The following SLCO4C1 variants were observed in gnomAD, a reference collection of about 807,000 sequenced individuals.
The protein encoded by SLCO4C1 is organic anion transporter M1.
In SLCO4C1, 58 loss-of-function variants were observed where a neutral mutation model predicts 72.1. That is an observed-to-expected ratio of 0.80 (90% CI 0.65 to 1.00). The LOEUF is 1.00. Ranked by LOEUF, SLCO4C1 falls within the 50% of genes least tolerant of loss-of-function variation. SLCO4C1 has a pLI of 0.00. For synonymous variants in SLCO4C1, 297 were observed against 312.5 expected (o/e 0.95, Z 0.52); for missense variants, 898 against 857.9 (o/e 1.05, Z -0.58).
chr5:102,274,700 C>T (rs1292912988), intron 2 of SLCO4C1, among the ~76,000 whole-genome samples: 1 of 152,106 alleles, frequency 6.6e-6, no homozygotes, highest in Non-Finnish European at 1.5e-5. Context: ...CCCAGTCTCC[C>T]CAGTTACCTG....
intron 2 of SLCO4C1, among the ~76,000 whole-genome samples, chr5:102,277,203 G>A (rs1327269654): frequency 6.6e-6 from 1 of 152,052 alleles, no homozygotes; most frequent in Non-Finnish European, 1.5e-5. Flanking sequence ...TGCTACTCTA[G>A]TCAAATACCA....
In SLCO4C1 at chr5:102,249,641, T is replaced by C; in HGVS notation, c.1617A>G (p.Pro539=). Residue 539 remains proline (P), a synonymous_variant, in exon 9 of 13, where the codon CCA becomes CCG. Transcript: ENST00000310954. ...AAAAGTAGGAGACATAAGCTACCTT[T>C]GGCTTCCTGTGTGCAACTGGGTTTG... ...GCSNPVAHRK[P]KVYYNCSCIE... 6.2e-7 allele frequency: 1 copy of C among 1,613,572 alleles called. No individual in the cohort carries two copies. The highest frequency in any genetic ancestry group is 2.2e-5 in the East Asian group (1 of 44,792).
intron 10 of SLCO4C1, among the ~76,000 whole-genome samples, chr5:102,244,110 T>C (rs776649567): frequency 2.0e-5 from 3 of 151,942 alleles, no homozygotes; most frequent in Non-Finnish European, 4.4e-5. Context: ...TCACTTGAAC[T>C]TGGGAGGCAG....
intron 3 of SLCO4C1, among the ~76,000 whole-genome samples, chr5:102,269,952 C>T (rs1224245725): frequency 1.3e-5 from 2 of 151,950 alleles, no homozygotes; most frequent in Non-Finnish European, 2.9e-5. Flanking sequence ...CATTTGAATA[C>T]TCTGGCTGTA....
chr5:102,273,530 G>A (rs1749191176), intron 2 of SLCO4C1, among the ~76,000 whole-genome samples: 1 of 152,116 alleles, frequency 6.6e-6, no homozygotes, highest in African/African-American at 2.4e-5. Context: ...TAATCCCATA[G>A]AGGCAGTAAA....
chr5:102,246,334 G>A (rs750530376), intron 10 of SLCO4C1, among the ~76,000 whole-genome samples: 11 of 152,116 alleles, frequency 7.2e-5, no homozygotes, highest in Admixed American at 1.3e-4. Flanking sequence ...AAGTGATACT[G>A]TAGAAATTCA....
intron 2 of SLCO4C1, among the ~76,000 whole-genome samples, chr5:102,290,826 T>G (rs1749536567): frequency 6.6e-6 from 1 of 152,208 alleles, no homozygotes; most frequent in Non-Finnish European, 1.5e-5. Flanking sequence ...CTTTGAATAA[T>G]ATATTTCTCC....
At chr5:102,238,313 T>A (rs919694343) in intron 12 of SLCO4C1, among the ~76,000 whole-genome samples, 128 of 152,284 alleles carry the variant, frequency 8.4e-4, no homozygotes, top group Middle Eastern at 6.9e-3. Context: ...TATGTAGCCA[T>A]GATTGTGGTA....
chr5:102,269,736 C>A (rs182382213), intron 3 of SLCO4C1, among the ~76,000 whole-genome samples: 3 of 152,084 alleles, frequency 2.0e-5, no homozygotes, highest in African/African-American at 7.2e-5. Context: ...GTATGTCTTT[C>A]AAAGTGCCAT....
chr5:102,259,022 C>T (rs1018051154), intron 6 of SLCO4C1, among the ~76,000 whole-genome samples: 1 of 151,840 alleles, frequency 6.6e-6, no homozygotes, highest in African/African-American at 2.4e-5. Context: ...AAAAAACTTA[C>T]CAACATAAAG....
intron 2 of SLCO4C1, among the ~76,000 whole-genome samples, chr5:102,281,480 GA>G (rs1421896576): frequency 2.0e-5 from 3 of 152,038 alleles, no homozygotes; most frequent in African/African-American, 4.8e-5. Context: ...CTCTCTGAAA[GA>G]CCCTGTTAAG....
chr5:102,270,418 A>G (rs1749128417), intron 3 of SLCO4C1, among the ~76,000 whole-genome samples: 1 of 152,180 alleles, frequency 6.6e-6, no homozygotes, highest in African/African-American at 2.4e-5. Context: ...CAAGAAATAC[A>G]GCAGAGGATC....
intron 5 of SLCO4C1, 85 bp downstream of exon 5, chr5:102,261,827 C>T: frequency 7.3e-7 from 1 of 1,366,364 alleles, no homozygotes; most frequent in Non-Finnish European, 9.8e-7. Flanking sequence ...CAGGGTGAAT[C>T]TATAGTTCTT....
intron 3 of SLCO4C1, among the ~76,000 whole-genome samples, chr5:102,269,475 C>T (rs890701803): frequency 5.9e-5 from 9 of 151,810 alleles, no homozygotes; most frequent in African/African-American, 1.2e-4. Context: ...TGTAATTTTT[C>T]ATTCAACTAC....
At chr5:102,242,106 G>T (rs1748553613) in intron 10 of SLCO4C1, among the ~76,000 whole-genome samples, 1 of 152,160 alleles carries the variant, frequency 6.6e-6, no homozygotes, top group South Asian at 2.1e-4. Context: ...AGGAAAACCA[G>T]ACCAACTTAC....
At position 102,264,960 on chromosome 5, in the gene SLCO4C1, C is replaced by A. The variant is rs1259850050; in HGVS notation, c.803-1180G>T. On this transcript the variant is annotated intron_variant, in intron 3 of 12. Transcript: ENST00000310954. Reference sequence around the variant, plus strand: ...CCATGTTACTATGAATGACAGGATTCTTTTTTTTTTATGGCTGAATAGTAT... The same window carrying A: ...CCATGTTACTATGAATGACAGGATTATTTTTTTTTTATGGCTGAATAGTAT... 2.7e-5 allele frequency among the ~76,000 whole-genome samples: 4 copies of A among 147,444 alleles called. No individual in the cohort carries two copies. The Admixed American group carries it at 2.7e-4, about 10-fold the overall frequency.
intron 8 of SLCO4C1, among the ~76,000 whole-genome samples, chr5:102,256,499 C>T (rs2112354326): frequency 6.6e-6 from 1 of 152,282 alleles, no homozygotes; most frequent in East Asian, 1.9e-4. Flanking sequence ...CTGTGCAACA[C>T]CCTCCTGCCT....
At chr5:102,245,320 C>T (rs1460706826) in intron 10 of SLCO4C1, among the ~76,000 whole-genome samples, 1 of 152,000 alleles carries the variant, frequency 6.6e-6, no homozygotes, top group Non-Finnish European at 1.5e-5. Flanking sequence ...CCTATAAAGA[C>T]ACACATAGAC....
At chr5:102,246,603 C>A (rs779121391) in intron 10 of SLCO4C1, among the ~76,000 whole-genome samples, 14 of 151,840 alleles carry the variant, frequency 9.2e-5, no homozygotes, top group Non-Finnish European at 1.8e-4. Flanking sequence ...CACATGTACC[C>A]CTGAGCTTAA....
Sources: allele counts gnomAD v4.1 joint callset (sites outside exome capture counted in the v4.1 genomes callset), GRCh38; gene constraint gnomAD v4.1.1; transcripts MANE v1.5; gene names NCBI Gene and HGNC (gene_info 2026-07-23, HGNC 2026-07-21).